The following VPS35L variants were observed in gnomAD, a reference collection of about 807,000 sequenced individuals.
VPS35L encodes VPS35 endosomal protein-sorting factor-like.
In VPS35L, 83 loss-of-function variants were observed where a neutral mutation model predicts 133.0. That is an observed-to-expected ratio of 0.62 (90% CI 0.52 to 0.75). The LOEUF (loss-of-function observed/expected upper bound fraction) is 0.75, where lower values mean the gene tolerates loss of function less well. VPS35L is among the 30% of genes least tolerant of loss of function. VPS35L has a pLI of 0.00. For missense variants in VPS35L, 1,083 were observed against 1,206.8 expected, an observed-to-expected ratio of 0.90 and a Z score of 1.52; for synonymous variants, 423 against 449.9, an observed-to-expected ratio of 0.94 and a Z score of 0.76.
At chr16:19,692,128 G>A (rs1419294912) in intron 29 of VPS35L, among the ~76,000 whole-genome samples, 4 of 151,808 alleles carry the variant, frequency 2.6e-5, no homozygotes, top group Admixed American at 6.6e-5. Context: ...CGCCTACCTC[G>A]GCCTCCCAAA....
chr16:19,599,910 G>A (rs1038665400), intron 8 of VPS35L, among the ~76,000 whole-genome samples: 7 of 152,094 alleles, frequency 4.6e-5, no homozygotes, highest in Admixed American at 6.6e-5. Context: ...GCATGGCAGC[G>A]CATACCTGTG....
intron 2 of VPS35L, among the ~76,000 whole-genome samples, chr16:19,567,434 G>T (rs1971223763): frequency 6.6e-6 from 1 of 152,198 alleles, no homozygotes; most frequent in Non-Finnish European, 1.5e-5. Context: ...TGAGAACAGA[G>T]TTCACCCCAC....
At chr16:19,592,201 A>T (rs960729254) in intron 8 of VPS35L, among the ~76,000 whole-genome samples, 1 of 149,830 alleles carries the variant, frequency 6.7e-6, no homozygotes, top group Admixed American at 6.7e-5. Flanking sequence ...CAGCCTCCTG[A>T]GTAGCTGGGG....
At chr16:19,688,765 C>T (rs1253686464) in intron 28 of VPS35L, among the ~76,000 whole-genome samples, 1 of 152,150 alleles carries the variant, frequency 6.6e-6, no homozygotes, top group African/African-American at 2.4e-5. Flanking sequence ...GGAATGAAAG[C>T]AGCTGTAAGA....
intron 12 of VPS35L, among the ~76,000 whole-genome samples, chr16:19,611,425 T>C (rs778400770): frequency 6.6e-6 from 1 of 152,168 alleles, no homozygotes; most frequent in Non-Finnish European, 1.5e-5. Context: ...AGAGGGATCA[T>C]TGCACCTGAT....
chr16:19,632,120 C>T (rs917557523), intron 18 of VPS35L, among the ~76,000 whole-genome samples: 3 of 151,994 alleles, frequency 2.0e-5, no homozygotes, highest in Admixed American at 6.6e-5. Context: ...TGTGACCACA[C>T]CCCGCTAATT....
At chr16:19,662,215 T>C (rs1597406388) in intron 26 of VPS35L, among the ~76,000 whole-genome samples, 1 of 151,320 alleles carries the variant, frequency 6.6e-6, no homozygotes, top group Non-Finnish European at 1.5e-5. Context: ...AAAATAATAA[T>C]AAAAATAGGC....
intron 12 of VPS35L, chr16:19,611,767 C>T (rs886529821): frequency 6.6e-6 from 1 of 151,796 alleles, no homozygotes; most frequent in African/African-American, 2.4e-5. Context: ...CTGCTTGAAA[C>T]CTGGGGGGGA....
At position 19,563,691 on chromosome 16, in the gene VPS35L, A is replaced by G. The variant is rs1971095971; in HGVS notation, c.18-1160A>G. Among the ~76,000 whole-genome samples, 5 of 152,318 alleles carry G rather than the reference A, an allele frequency of 3.3e-5. 1 individual carries two copies. The South Asian group carries it at 8.3e-4, about 25-fold the overall frequency. On this transcript the variant is annotated intron_variant, in intron 1 of 30. Coordinates refer to ENST00000417362, the MANE Select transcript of VPS35L (RefSeq NM_020314.7). ...CTCTTTTTGAACCCTCAAGAAACCAATGAAAACACAGTGAGCTCTTCATCT... is the reference window on the plus strand; with the variant it reads ...CTCTTTTTGAACCCTCAAGAAACCAGTGAAAACACAGTGAGCTCTTCATCT...
chr16:19,689,361 C>G (rs568374263), intron 28 of VPS35L, among the ~76,000 whole-genome samples: 1 of 152,104 alleles, frequency 6.6e-6, no homozygotes, highest in South Asian at 2.1e-4. Context: ...ACTTCTGCCT[C>G]CTGCGTTCAA....
intron 30 of VPS35L, 56 bp from the exon 31 acceptor site, chr16:19,700,322 T>C (rs1349618816): frequency 2.0e-6 from 3 of 1,486,618 alleles, no homozygotes; most frequent in East Asian, 2.3e-5. Context: ...CATTAGAGCC[T>C]TGGGCTCCAA....
At position 19,628,763 on chromosome 16, in the gene VPS35L, CATTTTA is replaced by C. The variant is rs773973235; in HGVS notation, c.1500+11_1500+16del. ...GCTGAAGAACCCACAGGTGAGTGGC[CATTTTA>C]TTTTTATTTTTATTTATTTATTTAT... is the stretch of plus-strand genomic sequence containing the variant. On this transcript the variant is annotated intron_variant, in intron 17 of 30. Transcript: ENST00000417362. 13 of 1,164,914 alleles carry C rather than the reference CATTTTA, an allele frequency of 1.1e-5. No individual in the cohort carries two copies. Among genetic ancestry groups the C allele is most frequent in the African/African-American group, 1.7e-5 (1 of 60,244 alleles). The allele number at this position is 1,164,914 out of a possible 1,614,324, so 72.2% of individuals were successfully genotyped here.
chr16:19,685,063 A>G (rs1975411957), intron 28 of VPS35L, among the ~76,000 whole-genome samples: 1 of 152,138 alleles, frequency 6.6e-6, no homozygotes, highest in African/African-American at 2.4e-5. Flanking sequence ...AAAAAAAAAA[A>G]AAAGCAATGT....
chr16:19,656,425 C>A (rs1025257491), intron 26 of VPS35L, among the ~76,000 whole-genome samples: 1 of 151,504 alleles, frequency 6.6e-6, no homozygotes, highest in Non-Finnish European at 1.5e-5. Context: ...TGAGCAAAGG[C>A]ATGGAGATGT....
intron 15 of VPS35L, among the ~76,000 whole-genome samples, chr16:19,627,326 G>A (rs1973299209): frequency 6.6e-6 from 1 of 151,772 alleles, no homozygotes; most frequent in East Asian, 1.9e-4. Context: ...TAAACGATGT[G>A]GATATATATT....
At position 19,669,304 on chromosome 16, in the gene VPS35L, G is replaced by GT. The variant is rs757595124; in HGVS notation, c.2361+8dup. On this transcript the variant is annotated splice_donor_region_variant and intron_variant, in intron 27 of 30. Coordinates refer to ENST00000417362, the MANE Select transcript of VPS35L (RefSeq NM_020314.7). ...TCTACTTTATTAATAGTTCCGGTAC[G>GT]TTTCCTCAGCAGAACCGCAGGACAT... 1 of 1,603,100 alleles carries GT rather than the reference G, an allele frequency of 6.2e-7. No individual in the cohort carries two copies. The highest frequency in any genetic ancestry group is 1.1e-5 in the South Asian group (1 of 90,002).
At chr16:19,697,202 G>A (rs550935947) in intron 29 of VPS35L, among the ~76,000 whole-genome samples, 2 of 152,306 alleles carry the variant, frequency 1.3e-5, no homozygotes, top group Admixed American at 6.5e-5. Context: ...CTTTGCCGTC[G>A]GCTCTGCTGC....
intron 26 of VPS35L, among the ~76,000 whole-genome samples, chr16:19,666,027 T>C (rs959472134): frequency 2.0e-5 from 3 of 152,200 alleles, no homozygotes; most frequent in Non-Finnish European, 2.9e-5. Context: ...AATCTGATTA[T>C]TAGATTTTTT....
chr16:19,555,866 C>G, intron 1 of VPS35L, 120 bp downstream of exon 1: 1 of 1,383,070 alleles, frequency 7.2e-7, no homozygotes, highest in South Asian at 1.4e-5. Context: ...CCGGCCACCC[C>G]CAAGTTGTCT....
Sources: gnomAD v4.1 joint callset for allele counts (sites outside exome capture counted in the v4.1 genomes callset) on GRCh38, gnomAD v4.1.1 for gene constraint, MANE v1.5 for transcripts, NCBI Gene and HGNC (gene_info 2026-07-23, HGNC 2026-07-21) for gene names.